The following MAP1LC3B2 variants were observed in gnomAD, a reference collection of about 807,000 sequenced individuals.
The protein encoded by MAP1LC3B2 is microtubule associated protein 1 light chain 3 beta 2.
For synonymous variants in MAP1LC3B2, 62 were observed against 57.8 expected, an observed-to-expected ratio of 1.07 and a Z score of -0.33; for missense variants, 155 against 154.6, an observed-to-expected ratio of 1.00 and a Z score of -0.01.
chr12:116,561,592 G>A lies in MAP1LC3B2; in HGVS notation c.-102+2159G>A, dbSNP rs117462185. ...GAGGACTCCCGAGACTAAGGGAGGA[G>A]TCGAGGGTCCCTGGTTGTAGATAAG... On this transcript the variant is annotated intron_variant, in intron 1 of 1. Transcript: ENST00000556529. 4.5e-3 allele frequency among the ~76,000 whole-genome samples: 687 copies of A among 152,288 alleles called. 8 individuals are homozygous for A. The highest frequency in any genetic ancestry group is 7.2e-3 in the Non-Finnish European group (490 of 68,026).
Position 116,576,111 on chromosome 12 carries a change from C to T in MAP1LC3B2, c.169C>T (p.His57Tyr). Residue 57 changes from histidine (H) to tyrosine (Y), a missense_variant, in exon 2 of 2, where the codon CAT (histidine) becomes TAT (tyrosine). Physicochemically the swap from His to Tyr is moderately conservative, Grantham distance 83. Transcript: ENST00000556529. ...LDKTKFLVPD[H>Y]VNMSELIKII... ...TAAAACAAAGTTCCTTGTACCTGAC[C>T]ATGTCAACATGAGTGAGCTCATCAA... 1 of 1,614,144 alleles carries T rather than the reference C, an allele frequency of 6.2e-7. No individual in the cohort carries two copies. Among genetic ancestry groups the T allele is most frequent in the Middle Eastern group, 1.7e-4 (1 of 6,060 alleles).
intron 1 of MAP1LC3B2, among the ~76,000 whole-genome samples, chr12:116,570,464 A>G (rs1008759577): frequency 6.6e-6 from 1 of 152,120 alleles, no homozygotes; most frequent in Non-Finnish European, 1.5e-5. Context: ...TCTCCACCCA[A>G]ATCTTGTCTT....
Position 116,564,291 on chromosome 12 carries a change from A to T in MAP1LC3B2, c.-102+4858A>T, listed in dbSNP as rs545107816. On this transcript the variant is annotated intron_variant, in intron 1 of 1. Coordinates refer to ENST00000556529, the MANE Select transcript of MAP1LC3B2 (RefSeq NM_001085481.3). ...TAGATGTCTAGTAAGTTTTCATTGG[A>T]TGCTAGACAATGTAGATGCTGTGCA... 3.0e-4 allele frequency among the ~76,000 whole-genome samples: 45 copies of T among 152,108 alleles called. 1 individual carries two copies. Among genetic ancestry groups the T allele is most frequent in the Admixed American group, 2.9e-3 (44 of 15,290 alleles).
Position 116,571,809 on chromosome 12 carries a change from C to G in MAP1LC3B2, c.-101-4033C>G, listed in dbSNP as rs995830754. Among the ~76,000 whole-genome samples, 6 of 152,000 alleles carry G rather than the reference C, an allele frequency of 3.9e-5. No homozygotes were observed. In the East Asian group the frequency reaches 9.7e-4, roughly 25 times the overall value. On this transcript the variant is annotated intron_variant, in intron 1 of 1. Transcript: ENST00000556529. ...GACTGCTATTCTTAGGGACGTTATT[C>G]TGAACTGTCTCTCCTTTGTCCTAAA...
intron 1 of MAP1LC3B2, among the ~76,000 whole-genome samples, chr12:116,575,064 T>A (rs1227730879): frequency 6.6e-6 from 1 of 151,392 alleles, no homozygotes; most frequent in East Asian, 2.0e-4. Flanking sequence ...CCTGTAATCC[T>A]AGCCACTCAG....
intron 1 of MAP1LC3B2, among the ~76,000 whole-genome samples, chr12:116,569,612 T>A (rs1313149095): frequency 2.0e-5 from 3 of 152,218 alleles, no homozygotes; most frequent in African/African-American, 7.2e-5. Context: ...AATATGCACG[T>A]AGGTATGTGT....
intron 1 of MAP1LC3B2, among the ~76,000 whole-genome samples, chr12:116,568,998 T>C (rs183859325): frequency 5.3e-5 from 8 of 151,950 alleles, no homozygotes; most frequent in Non-Finnish European, 1.2e-4. Flanking sequence ...TACCTGGGAT[T>C]ACAGGCACCC....
rs182517681 is a variant in MAP1LC3B2 at position 116,574,819 on chromosome 12, G to T, written c.-101-1023G>T. Among the ~76,000 whole-genome samples the T allele has an allele frequency of 3.2e-3, 482 of 151,844 alleles. 1 individual carries two copies. Among genetic ancestry groups the T allele is most frequent in the African/African-American group, 0.011 (461 of 41,394 alleles). ...GATCCACCAGCCTCAGCCTCCCAAA[G>T]TGTTGGGATTACAGGCCTATATATT... On this transcript the variant is annotated intron_variant, in intron 1 of 1. Coordinates refer to ENST00000556529, the MANE Select transcript of MAP1LC3B2 (RefSeq NM_001085481.3).
intron 1 of MAP1LC3B2, among the ~76,000 whole-genome samples, chr12:116,568,177 A>T (rs961115471): frequency 2.6e-5 from 4 of 152,212 alleles, no homozygotes; most frequent in African/African-American, 9.7e-5. Flanking sequence ...AAGGCAATAG[A>T]TGCGACCCTT....
intron 1 of MAP1LC3B2, among the ~76,000 whole-genome samples, chr12:116,572,721 A>C (rs1004945946): frequency 2.0e-5 from 3 of 152,194 alleles, no homozygotes; most frequent in Admixed American, 1.3e-4. Context: ...TCTTCACAGA[A>C]TACTTGTTAA....
At chr12:116,573,598 C>G (rs1286636988) in intron 1 of MAP1LC3B2, among the ~76,000 whole-genome samples, 1 of 152,036 alleles carries the variant, frequency 6.6e-6, no homozygotes, top group South Asian at 2.1e-4. Context: ...CTCACTGCAA[C>G]CTCTGCCTCC....
chr12:116,563,501 T>C (rs1419567276), intron 1 of MAP1LC3B2, among the ~76,000 whole-genome samples: 1 of 152,254 alleles, frequency 6.6e-6, no homozygotes, highest in Non-Finnish European at 1.5e-5. Flanking sequence ...GTTCTTTGTA[T>C]GTAATATGTA....
chr12:116,574,680 C>G (rs534426193), intron 1 of MAP1LC3B2, among the ~76,000 whole-genome samples: 30 of 151,462 alleles, frequency 2.0e-4, no homozygotes, highest in African/African-American at 6.8e-4. Flanking sequence ...TACAAACACA[C>G]ATACACATTT....
intron 1 of MAP1LC3B2, among the ~76,000 whole-genome samples, chr12:116,569,989 G>GTT (rs1293003241): frequency 6.6e-6 from 1 of 152,144 alleles, no homozygotes. Flanking sequence ...AGGAGTCAGA[G>GTT]GTTGCAGGGA....
chr12:116,565,700 A>G (rs570044961), intron 1 of MAP1LC3B2, among the ~76,000 whole-genome samples: 1 of 152,326 alleles, frequency 6.6e-6, no homozygotes, highest in Non-Finnish European at 1.5e-5. Context: ...AGTCACAGTC[A>G]TGGGCTTACC....
At chr12:116,563,303 T>C (rs1025933088) in intron 1 of MAP1LC3B2, among the ~76,000 whole-genome samples, 13 of 149,174 alleles carry the variant, frequency 8.7e-5, no homozygotes, top group Admixed American at 7.8e-4. Context: ...CTACCGGTAA[T>C]AAATTCTACC....
chr12:116,566,971 A>AAAAAAAT (rs1869404081), intron 1 of MAP1LC3B2, among the ~76,000 whole-genome samples: 1 of 136,314 alleles, frequency 7.3e-6, no homozygotes, highest in Non-Finnish European at 1.6e-5. Flanking sequence ...AAAAAAAAAA[A>AAAAAAAT]GAATTGAGTT....
At chr12:116,561,619 C>T (rs1869273947) in intron 1 of MAP1LC3B2, among the ~76,000 whole-genome samples, 1 of 152,122 alleles carries the variant, frequency 6.6e-6, no homozygotes, top group African/African-American at 2.4e-5. Flanking sequence ...GTAGATAAGT[C>T]TTGGCCACAG....
At chr12:116,573,916 C>T (rs183355671) in intron 1 of MAP1LC3B2, among the ~76,000 whole-genome samples, 6 of 152,276 alleles carry the variant, frequency 3.9e-5, no homozygotes, top group African/African-American at 1.2e-4. Flanking sequence ...AAATGGCCAA[C>T]GAGCATATGA....
Sources: gnomAD v4.1 joint callset for allele counts (sites outside exome capture counted in the v4.1 genomes callset) on GRCh38, gnomAD v4.1.1 for gene constraint, MANE v1.5 for transcripts, NCBI Gene and HGNC (gene_info 2026-07-23, HGNC 2026-07-21) for gene names.